ARL15: variants seen among roughly 807,000 people sequenced by gnomAD.
ARL15 encodes ARF like GTPase 15.
A neutral mutation model predicts 25.2 loss-of-function variants in ARL15; 19 were observed. That is an observed-to-expected ratio of 0.75 (90% CI 0.53 to 1.10). The LOEUF (loss-of-function observed/expected upper bound fraction) is 1.10. Ranked by LOEUF, ARL15 falls within the 50% of genes least tolerant of loss-of-function variation. The pLI is 0.00. For missense variants in ARL15, 220 were observed against 246.0 expected (o/e 0.89, Z 0.71); for synonymous variants, 94 against 86.8 (o/e 1.08, Z -0.46).
At chr5:53,996,945 G>A (rs927878665) in intron 4 of ARL15, among the ~76,000 whole-genome samples, 8 of 152,198 alleles carry the variant, frequency 5.3e-5, no homozygotes, top group Non-Finnish European at 8.8e-5. Context: ...CAGATGGGAA[G>A]AAAGAGTTCA....
intron 4 of ARL15, among the ~76,000 whole-genome samples, chr5:54,106,937 C>T (rs148688224): frequency 3.9e-5 from 6 of 152,312 alleles, no homozygotes; most frequent in Non-Finnish European, 5.9e-5. Context: ...TTCAAGACTA[C>T]TTCCTGATGT....
chr5:54,208,557 T>C (rs1422209847), intron 1 of ARL15, among the ~76,000 whole-genome samples: 1 of 152,192 alleles, frequency 6.6e-6, no homozygotes, highest in East Asian at 1.9e-4. Flanking sequence ...AAAACAATGA[T>C]GCTGCTCTGG....
At chr5:54,134,654 G>A (rs1357265513) in intron 3 of ARL15, among the ~76,000 whole-genome samples, 8 of 125,976 alleles carry the variant, frequency 6.4e-5, no homozygotes, top group Non-Finnish European at 7.8e-5. Flanking sequence ...GCACAATCTC[G>A]GCTCACTGCA....
intron 1 of ARL15, among the ~76,000 whole-genome samples, chr5:54,266,907 G>A (rs1330199302): frequency 6.6e-6 from 1 of 152,108 alleles, no homozygotes; most frequent in Non-Finnish European, 1.5e-5. Context: ...ACACACACGT[G>A]AGAAGCAAAA....
chr5:54,211,771 C>A (rs1406050457), intron 1 of ARL15, among the ~76,000 whole-genome samples: 1 of 151,892 alleles, frequency 6.6e-6, no homozygotes, highest in Non-Finnish European at 1.5e-5. Context: ...CGTGACCGGC[C>A]AAATGAAATA....
chr5:54,106,567 C>A (rs542332704), intron 4 of ARL15, among the ~76,000 whole-genome samples: 14 of 152,162 alleles, frequency 9.2e-5, no homozygotes, highest in African/African-American at 3.4e-4. Context: ...TACTTTAAAT[C>A]ATCTCTAGAT....
At chr5:53,916,263 G>A (rs1236096720) in intron 4 of ARL15, among the ~76,000 whole-genome samples, 2 of 146,092 alleles carry the variant, frequency 1.4e-5, no homozygotes, top group Non-Finnish European at 3.0e-5. Flanking sequence ...CAATGTGGCT[G>A]TGTCCAGGTG....
chr5:54,032,504 G>C (rs1487056202), intron 4 of ARL15, among the ~76,000 whole-genome samples: 6 of 152,128 alleles, frequency 3.9e-5, no homozygotes, highest in African/African-American at 1.4e-4. Context: ...CAAAGTGCTG[G>C]GATTACAGGC....
At chr5:53,899,684 T>C (rs1453165128) in intron 4 of ARL15, among the ~76,000 whole-genome samples, 2 of 152,190 alleles carry the variant, frequency 1.3e-5, no homozygotes, top group Non-Finnish European at 2.9e-5. Context: ...CTATATTCTT[T>C]TCCTTGTTTT....
At chr5:53,933,018 T>C (rs995079220) in intron 4 of ARL15, among the ~76,000 whole-genome samples, 29 of 152,212 alleles carry the variant, frequency 1.9e-4, no homozygotes, top group African/African-American at 6.8e-4. Context: ...GCCATAGTTA[T>C]CACAGAGTCA....
rs976285178 is a variant in ARL15 at position 54,190,924 on chromosome 5, A to G, written c.49-18996T>C. Among the ~76,000 whole-genome samples the G allele has an allele frequency of 3.3e-5, 5 of 152,166 alleles. 1 individual carries two copies. The highest frequency in any genetic ancestry group is 1.2e-4 in the African/African-American group (5 of 41,436). ...AGTACCTCAAAAAATTAAAAATAGA[A>G]TTATCATCTGATCCAATAATGCCAT... On this transcript the variant is annotated intron_variant, in intron 1 of 4. Transcript: ENST00000504924.
chr5:53,929,587 A>G (rs75212714), intron 4 of ARL15, among the ~76,000 whole-genome samples: 1 of 152,228 alleles, frequency 6.6e-6, no homozygotes, highest in East Asian at 1.9e-4. Context: ...TGCAACATCA[A>G]TGCCCTTCTA....
chr5:54,046,537 T>C (rs1750521383), intron 4 of ARL15, among the ~76,000 whole-genome samples: 1 of 151,912 alleles, frequency 6.6e-6, no homozygotes, highest in Admixed American at 6.6e-5. Context: ...TGAAAGTGTT[T>C]GAAAAAATTA....
chr5:53,934,196 A>G (rs1746285895), intron 4 of ARL15, among the ~76,000 whole-genome samples: 1 of 152,164 alleles, frequency 6.6e-6, no homozygotes, highest in Non-Finnish European at 1.5e-5. Context: ...TATTCGTTAC[A>G]ACAGAATATA....
chr5:54,133,505 A>G (rs150953931), intron 3 of ARL15, among the ~76,000 whole-genome samples: 20 of 152,328 alleles, frequency 1.3e-4, no homozygotes, highest in African/African-American at 4.6e-4. Context: ...GGTAGCAGGC[A>G]TATCGCTATT....
At chr5:54,217,348 T>C (rs535602988) in intron 1 of ARL15, among the ~76,000 whole-genome samples, 12 of 152,128 alleles carry the variant, frequency 7.9e-5, no homozygotes, top group Non-Finnish European at 1.8e-4. Context: ...TTTTAAATGA[T>C]GATCACAGAT....
chr5:53,944,726 C>T (rs1746668406), intron 4 of ARL15, among the ~76,000 whole-genome samples: 1 of 152,170 alleles, frequency 6.6e-6, no homozygotes, highest in African/African-American at 2.4e-5. Context: ...TATTTGTCTG[C>T]TTTTCTAGAA....
chr5:53,907,521 G>A (rs1276259121), intron 4 of ARL15, among the ~76,000 whole-genome samples: 6 of 55,640 alleles, frequency 1.1e-4, no homozygotes, highest in South Asian at 5.4e-4. Context: ...TTTTTGAGGC[G>A]GACTCTTACT....
chr5:53,997,862 T>C (rs942007854), intron 4 of ARL15, among the ~76,000 whole-genome samples: 1 of 152,172 alleles, frequency 6.6e-6, no homozygotes, highest in African/African-American at 2.4e-5. Flanking sequence ...TTTCCCACCA[T>C]GCTGAGTCCT....
Sources: gnomAD v4.1 joint callset for allele counts (sites outside exome capture counted in the v4.1 genomes callset) on GRCh38, gnomAD v4.1.1 for gene constraint, MANE v1.5 for transcripts, NCBI Gene and HGNC (gene_info 2026-07-23, HGNC 2026-07-21) for gene names.